OR8B2: variants seen among roughly 807,000 people sequenced by gnomAD.
OR8B2 encodes olfactory receptor 8B2.
For synonymous variants in OR8B2, 98 were observed against 138.2 expected (o/e 0.71, Z 2.04); for missense variants, 304 against 379.6 (o/e 0.80, Z 1.65).
the OR8B2 span, among the ~76,000 whole-genome samples, chr11:124,394,994 G>C: frequency 6.6e-6 from 1 of 152,026 alleles, no homozygotes; most frequent in Non-Finnish European, 1.5e-5. Flanking sequence ...TTGAGGCCAG[G>C]AGTTAAATTT....
Position 124,382,934 on chromosome 11 carries a change from G to A in OR8B2, c.410C>T (p.Ser137Phe). ...CNPLLYKVTMSHQVCSMLTFA... is the reference protein window; with the variant it reads ...CNPLLYKVTMFHQVCSMLTFA... ...AGTGAGCATAGAACAGACCTGATGG[G>A]ACATGGTGACCTTATACAGCAATGG... The change falls in exon 2 of 2, where the codon TCC becomes TTC. Residue 137 changes from serine (S) to phenylalanine (F), a missense_variant. Physicochemically the swap from Ser to Phe is radical, Grantham distance 155. Transcript: ENST00000641451. The A allele has an allele frequency of 6.2e-7, 1 of 1,611,472 alleles. No homozygotes were observed. The highest frequency in any genetic ancestry group is 1.1e-5 in the South Asian group (1 of 90,884).
At chr11:124,386,258 T>A (rs1014543739), upstream of OR8B2, among the ~76,000 whole-genome samples, 10 of 152,060 alleles carry the variant, frequency 6.6e-5, no homozygotes, top group South Asian at 2.1e-4. Context: ...TTCATTTTTT[T>A]ATTTTATTAT....
At chr11:124,394,898 G>T in the OR8B2 span, among the ~76,000 whole-genome samples, 1 of 152,186 alleles carries the variant, frequency 6.6e-6, no homozygotes, top group African/African-American at 2.4e-5. Flanking sequence ...TATTGTTGGT[G>T]TTAAGCAAGA....
At chr11:124,396,372 A>T in the OR8B2 span, 1 of 1,529,806 alleles carries the variant, frequency 6.5e-7, no homozygotes, top group Non-Finnish European at 8.8e-7. Context: ...ATAAAAATTT[A>T]AAGTTCTTCA....
the OR8B2 span, among the ~76,000 whole-genome samples, chr11:124,391,555 A>C: frequency 6.6e-6 from 1 of 152,140 alleles, no homozygotes; most frequent in Admixed American, 6.5e-5. Context: ...CTCTCCCAAG[A>C]CTAAACCAGG....
chr11:124,388,404 A>T (rs1201148991), upstream of OR8B2, among the ~76,000 whole-genome samples: 1 of 151,716 alleles, frequency 6.6e-6, no homozygotes, highest in Admixed American at 6.6e-5. Flanking sequence ...GTTTGTTTTA[A>T]ATCCCTTTTC....
chr11:124,387,517 T>A (rs1264611672), upstream of OR8B2, among the ~76,000 whole-genome samples: 10 of 151,670 alleles, frequency 6.6e-5, no homozygotes, highest in East Asian at 1.2e-3. Flanking sequence ...AAATAGGGAA[T>A]CCTTTCCCCA....
At chr11:124,391,855 A>T in the OR8B2 span, among the ~76,000 whole-genome samples, 2 of 150,862 alleles carry the variant, frequency 1.3e-5, no homozygotes, top group African/African-American at 4.9e-5. Flanking sequence ...TTGATGGAAA[A>T]ATCCTCAATA....
At chr11:124,385,046 GAATA>G (rs1296813602), upstream of OR8B2, among the ~76,000 whole-genome samples, 1 of 152,010 alleles carries the variant, frequency 6.6e-6, no homozygotes, top group Non-Finnish European at 1.5e-5. Context: ...AAAAGAAAAA[GAATA>G]AAGAAAAGGA....
chr11:124,394,473 A>T, the OR8B2 span, among the ~76,000 whole-genome samples: 1 of 152,158 alleles, frequency 6.6e-6, no homozygotes. Flanking sequence ...TGAAAAGAGA[A>T]AGAAATGGAA....
In OR8B2 at chr11:124,382,690, A is replaced by G. The variant is rs143777822; in HGVS notation, c.654T>C (p.Tyr218=). The G allele has an allele frequency of 1.1e-5, 17 of 1,613,788 alleles. No homozygotes were observed. The African/African-American group carries it at 1.9e-4, about 18-fold the overall frequency. ...TVPSCTILIS[Y]VFIVTSILHI... is the part of the protein sequence containing the mutation. ...GAAGAATGCTAGTGACAATGAAAAC[A>G]TAAGAAATGAGGATGGTACAACTGG... is the stretch of plus-strand genomic sequence containing the variant. Residue 218 remains tyrosine (Y), a synonymous_variant, in exon 2 of 2, where the codon TAT becomes TAC. Coordinates refer to ENST00000641451, the MANE Select transcript of OR8B2 (RefSeq NM_001005468.2).
chr11:124,390,043 G>C, the OR8B2 span, among the ~76,000 whole-genome samples: 1 of 152,144 alleles, frequency 6.6e-6, no homozygotes, highest in Non-Finnish European at 1.5e-5. Flanking sequence ...AGCCCTGTAG[G>C]ATTGGCGCTT....
chr11:124,383,713 A>T (rs745409550), intron 1 of OR8B2, among the ~76,000 whole-genome samples: 10 of 152,112 alleles, frequency 6.6e-5, no homozygotes, highest in Non-Finnish European at 1.5e-4. Context: ...CCATTATTCT[A>T]CTAGACACTT....
the OR8B2 span, among the ~76,000 whole-genome samples, chr11:124,390,003 A>G: frequency 1.3e-5 from 2 of 152,192 alleles, no homozygotes; most frequent in Admixed American, 1.3e-4. Flanking sequence ...TAGAAAGGGG[A>G]TGCATAACCA....
upstream of OR8B2, among the ~76,000 whole-genome samples, chr11:124,387,471 A>C (rs1454664316): frequency 6.6e-6 from 1 of 151,682 alleles, no homozygotes; most frequent in Non-Finnish European, 1.5e-5. Flanking sequence ...TCAGCTTTCT[A>C]CATATGGCTA....
At chr11:124,396,199 C>T in the OR8B2 span, 1 of 521,062 alleles carries the variant, frequency 1.9e-6, no homozygotes, top group African/African-American at 1.9e-5. Flanking sequence ...GTTCCTTTTA[C>T]AAAGATGCCA....
the OR8B2 span, among the ~76,000 whole-genome samples, chr11:124,394,866 T>C: frequency 6.6e-6 from 1 of 152,306 alleles, no homozygotes; most frequent in South Asian, 2.1e-4. Flanking sequence ...ATGTTATTAA[T>C]TATTACTTAA....
chr11:124,387,492 C>T (rs1414708125), upstream of OR8B2, among the ~76,000 whole-genome samples: 1 of 151,600 alleles, frequency 6.6e-6, no homozygotes, highest in South Asian at 2.1e-4. Flanking sequence ...GCCAGTTTTC[C>T]CAGCACCATT....
At chr11:124,387,202 G>A (rs1450284521), upstream of OR8B2, among the ~76,000 whole-genome samples, 1 of 152,230 alleles carries the variant, frequency 6.6e-6, no homozygotes, top group Admixed American at 6.5e-5. Flanking sequence ...CTCCCATGTT[G>A]TAGGTTGCCT....
Sources: gnomAD v4.1 joint callset for allele counts (sites outside exome capture counted in the v4.1 genomes callset) on GRCh38, gnomAD v4.1.1 for gene constraint, MANE v1.5 for transcripts, NCBI Gene and HGNC (gene_info 2026-07-23, HGNC 2026-07-21) for gene names.